The following SLC5A4 variants were observed in gnomAD, a reference collection of about 807,000 sequenced individuals.
The protein encoded by SLC5A4 is solute carrier family 5 member 4, also known as probable glucose sensor protein SLC5A4.
In SLC5A4, 55 loss-of-function variants were observed where a neutral mutation model predicts 70.3. The observed-to-expected ratio is 0.78, with a 90% CI of 0.63 to 0.98. The LOEUF is 0.98. SLC5A4 is among the 50% of genes least tolerant of loss of function. The probability of loss-of-function intolerance (pLI) is 0.00; values close to 1 mark genes in which losing one functional copy is unlikely to be tolerated. For missense variants in SLC5A4, 735 were observed against 839.2 expected (o/e 0.88, Z 1.53); for synonymous variants, 268 against 305.7 (o/e 0.88, Z 1.29).
the SLC5A4 span, among the ~76,000 whole-genome samples, chr22:32,305,740 C>T: frequency 6.6e-6 from 1 of 151,278 alleles, no homozygotes; most frequent in East Asian, 1.9e-4. Context: ...GGTGGTTACT[C>T]TGTCCCCTTG....
the SLC5A4 span, among the ~76,000 whole-genome samples, chr22:32,353,230 C>T: frequency 6.6e-6 from 1 of 152,168 alleles, no homozygotes; most frequent in South Asian, 2.1e-4. Context: ...GCTGGGCCCA[C>T]CCTGGCTGCG....
intron 6 of SLC5A4, among the ~76,000 whole-genome samples, chr22:32,238,769 A>G (rs1301328384): frequency 6.6e-6 from 1 of 152,178 alleles, no homozygotes; most frequent in African/African-American, 2.4e-5. Context: ...CATCCCCCAC[A>G]TAATTCCCTT....
chr22:32,311,925 CCT>C, the SLC5A4 span, among the ~76,000 whole-genome samples: 6 of 152,080 alleles, frequency 3.9e-5, no homozygotes, highest in African/African-American at 1.4e-4. Context: ...TTCCTGCACC[CCT>C]GAGGTCAAAC....
At chr22:32,238,253 T>C (rs915375520) in intron 6 of SLC5A4, among the ~76,000 whole-genome samples, 2 of 152,064 alleles carry the variant, frequency 1.3e-5, no homozygotes, top group East Asian at 1.9e-4. Context: ...CCCTTGGAAG[T>C]CCTGTGGTCT....
the SLC5A4 span, among the ~76,000 whole-genome samples, chr22:32,351,619 T>A: frequency 6.7e-6 from 1 of 148,268 alleles, no homozygotes; most frequent in Non-Finnish European, 1.5e-5. Flanking sequence ...GGAGAATTGC[T>A]TGAACCTGGG....
intron 5 of SLC5A4, among the ~76,000 whole-genome samples, chr22:32,239,908 C>G (rs1007676567): frequency 6.7e-6 from 1 of 149,306 alleles, no homozygotes; most frequent in Admixed American, 6.8e-5. Flanking sequence ...TGTGTAGTCC[C>G]AGCTACTCGG....
chr22:32,320,853 C>T, the SLC5A4 span, among the ~76,000 whole-genome samples: 12 of 152,332 alleles, frequency 7.9e-5, no homozygotes, highest in African/African-American at 2.9e-4. Flanking sequence ...TGAACACCCG[C>T]GAAGGGGACT....
intron 7 of SLC5A4, among the ~76,000 whole-genome samples, chr22:32,236,864 C>T (rs959492970): frequency 1.8e-4 from 27 of 151,936 alleles, no homozygotes; most frequent in East Asian, 1.9e-4. Flanking sequence ...GCCACCACGC[C>T]GGGCTTATTT....
At chr22:32,228,226 T>C (rs1925519518) in intron 11 of SLC5A4, among the ~76,000 whole-genome samples, 1 of 152,138 alleles carries the variant, frequency 6.6e-6, no homozygotes, top group Admixed American at 6.5e-5. Flanking sequence ...TGTACTTTGA[T>C]TTTTAAAACA....
chr22:32,347,790 G>C, the SLC5A4 span, among the ~76,000 whole-genome samples: 1 of 151,202 alleles, frequency 6.6e-6, no homozygotes, highest in Admixed American at 6.6e-5. Flanking sequence ...CACCAACATG[G>C]TACATGTATA....
At position 32,251,842 on chromosome 22, in the gene SLC5A4, G is replaced by A; in HGVS notation, c.240C>T (p.Gly80=). The change falls in exon 3 of 15, where the codon GGC becomes GGT. Residue 80 remains glycine (G), a synonymous_variant. Transcript: ENST00000266086. ...MGASLFASNI[G]SNHYVGLAGT... is the part of the protein sequence containing the mutation. ...CAGCCAGCCCCACATAGTGGTTGCT[G>A]CCGATGTTACTGGCAAAGAGAGAGG... 6.2e-7 allele frequency: 1 copy of A among 1,613,988 alleles called. No homozygotes were observed. Among genetic ancestry groups the A allele is most frequent in the Non-Finnish European group, 8.5e-7 (1 of 1,179,860 alleles).
At chr22:32,352,918 C>A in the SLC5A4 span, among the ~76,000 whole-genome samples, 1 of 152,240 alleles carries the variant, frequency 6.6e-6, no homozygotes, top group Non-Finnish European at 1.5e-5. Flanking sequence ...CCGCCACCAA[C>A]CACAGCGAGG....
chr22:32,270,789 C>T, the SLC5A4 span: 89 of 603,516 alleles, frequency 1.5e-4, no homozygotes, highest in Non-Finnish European at 2.0e-4. Context: ...TGAGTGCCGA[C>T]GGCCGCGTCA....
chr22:32,234,528 G>A (rs201350703), intron 8 of SLC5A4, among the ~76,000 whole-genome samples: 2 of 151,988 alleles, frequency 1.3e-5, no homozygotes, highest in East Asian at 1.9e-4. Flanking sequence ...GTGAAACCCC[G>A]TCTCTACTGA....
the SLC5A4 span, among the ~76,000 whole-genome samples, chr22:32,335,114 G>T: frequency 1.3e-5 from 2 of 152,164 alleles, no homozygotes; most frequent in Non-Finnish European, 2.9e-5. Flanking sequence ...TAGGTGGTCG[G>T]GAAGGAGAGC....
chr22:32,330,510 G>C, the SLC5A4 span, among the ~76,000 whole-genome samples: 4 of 130,228 alleles, frequency 3.1e-5, no homozygotes, highest in East Asian at 7.6e-4. Context: ...GTGTGTATGT[G>C]TTGGGGGCTG....
chr22:32,237,523 G>C (rs1926133591), intron 6 of SLC5A4, among the ~76,000 whole-genome samples, 199 bp from the exon 7 acceptor site: 1 of 152,128 alleles, frequency 6.6e-6, no homozygotes, highest in Non-Finnish European at 1.5e-5. Context: ...GCCTTGCCCT[G>C]ATTCAAAGTT....
the SLC5A4 span, among the ~76,000 whole-genome samples, chr22:32,321,083 C>T: frequency 3.3e-5 from 5 of 152,292 alleles, no homozygotes; most frequent in South Asian, 6.2e-4. Flanking sequence ...GTCAGGAGTT[C>T]AAAACCAGCC....
the SLC5A4 span, among the ~76,000 whole-genome samples, chr22:32,309,788 A>G: frequency 6.6e-6 from 1 of 152,086 alleles, no homozygotes; most frequent in African/African-American, 2.4e-5. Flanking sequence ...GATAAGAAGC[A>G]GAGGCTCTGA....
Sources: gnomAD v4.1 joint callset for allele counts (sites outside exome capture counted in the v4.1 genomes callset) on GRCh38, gnomAD v4.1.1 for gene constraint, MANE v1.5 for transcripts, NCBI Gene and HGNC (gene_info 2026-07-23, HGNC 2026-07-21) for gene names.